Variants in CHST9 observed in about 807,000 individuals in gnomAD.
The protein encoded by CHST9 is carbohydrate sulfotransferase 9.
Under a neutral mutation model 44.4 loss-of-function variants are expected in CHST9, and 41 were observed. That is an observed-to-expected ratio of 0.92 (90% CI 0.72 to 1.20). CHST9 has a LOEUF of 1.20. Ranked by LOEUF, CHST9 falls within the 50% of genes most tolerant of loss-of-function variation. The pLI, the probability that CHST9 is intolerant of heterozygous loss-of-function variation, is 0.00. For missense variants in CHST9, 504 were observed against 516.5 expected, an observed-to-expected ratio of 0.98 and a Z score of 0.23; for synonymous variants, 171 against 178.4, an observed-to-expected ratio of 0.96 and a Z score of 0.33.
intron 5 of CHST9, among the ~76,000 whole-genome samples, chr18:26,922,668 T>G (rs778517361): frequency 1.8e-4 from 28 of 152,058 alleles, no homozygotes; most frequent in Non-Finnish European, 4.4e-5. Flanking sequence ...TGGAATCTTG[T>G]TCTGTTGCCC....
chr18:26,979,189 C>T (rs2056662066), intron 4 of CHST9, among the ~76,000 whole-genome samples: 2 of 152,000 alleles, frequency 1.3e-5, no homozygotes, highest in South Asian at 4.1e-4. Flanking sequence ...CACTTTGTGC[C>T]TTTTATCTTC....
chr18:26,933,292 A>C (rs566188743), intron 5 of CHST9, among the ~76,000 whole-genome samples: 3 of 152,216 alleles, frequency 2.0e-5, no homozygotes, highest in Non-Finnish European at 4.4e-5. Flanking sequence ...AATCACTTGA[A>C]TAGGATACCC....
At position 27,103,618 on chromosome 18, in the gene CHST9, G is replaced by A. The variant is rs115802612; in HGVS notation, c.121+39071C>T. Among the ~76,000 whole-genome samples, 445 of 152,290 alleles carry A rather than the reference G, an allele frequency of 2.9e-3. 1 individual carries two copies. Among genetic ancestry groups the A allele is most frequent in the African/African-American group, 0.01 (422 of 41,554 alleles). Reference sequence around the variant, plus strand: ...TTTTAAGGGGAGTTTACCAAAACCAGGTTATCCTCTGATATCATTTACAAT... The same window carrying A: ...TTTTAAGGGGAGTTTACCAAAACCAAGTTATCCTCTGATATCATTTACAAT... On this transcript the variant is annotated intron_variant, in intron 2 of 5. Coordinates refer to ENST00000618847, the MANE Select transcript of CHST9 (RefSeq NM_031422.6).
At chr18:27,038,418 C>A (rs6508466) in intron 3 of CHST9, among the ~76,000 whole-genome samples, 4,870 of 152,024 alleles carry the variant, frequency 0.032, 291 homozygotes, top group African/African-American at 0.11. Context: ...TGGTGGCATG[C>A]GCCTGTAATC....
rs552778520 is a variant in CHST9 at position 26,981,417 on chromosome 18, T to C, written c.203-37051A>G. ...CTAGGATCCATCAATGTGTGAATTC[T>C]TGACACTTAGCTGCAGCAAGTATTT... On this transcript the variant is annotated intron_variant, in intron 4 of 5. Transcript: ENST00000618847. Among the ~76,000 whole-genome samples, 4 of 152,358 alleles carry C rather than the reference T, an allele frequency of 2.6e-5. No individual in the cohort carries two copies. The South Asian group carries it at 8.3e-4, about 32-fold the overall frequency.
chr18:26,933,365 A>G (rs1297294539), intron 5 of CHST9, among the ~76,000 whole-genome samples: 1 of 152,192 alleles, frequency 6.6e-6, no homozygotes, highest in Admixed American at 6.5e-5. Context: ...ATGCCCACCC[A>G]ATGGGGTTCT....
At chr18:27,083,502 A>T (rs1357804470) in intron 2 of CHST9, among the ~76,000 whole-genome samples, 1 of 152,182 alleles carries the variant, frequency 6.6e-6, no homozygotes, top group Non-Finnish European at 1.5e-5. Context: ...TGGTATAAAA[A>T]TAGGCCTCAT....
At chr18:27,164,814 C>G (rs1038575405) in intron 1 of CHST9, among the ~76,000 whole-genome samples, 17 of 152,136 alleles carry the variant, frequency 1.1e-4, no homozygotes, top group African/African-American at 4.1e-4. Flanking sequence ...GGCAATGGAG[C>G]AAGAATGCCT....
At chr18:27,153,961 A>G (rs1007973204) in intron 1 of CHST9, among the ~76,000 whole-genome samples, 2 of 152,146 alleles carry the variant, frequency 1.3e-5, no homozygotes, top group African/African-American at 2.4e-5. Flanking sequence ...CCTTGATGGA[A>G]GCCAGTCTGA....
intron 2 of CHST9, among the ~76,000 whole-genome samples, chr18:27,074,026 C>T (rs1033981844): frequency 3.3e-5 from 5 of 152,118 alleles, no homozygotes; most frequent in African/African-American, 1.2e-4. Flanking sequence ...CACAGAACAA[C>T]ATGTCTTACC....
intron 4 of CHST9, among the ~76,000 whole-genome samples, chr18:27,000,622 G>GTCTATCTACCTA (rs1555675551): frequency 0.038 from 5,600 of 147,576 alleles, 212 homozygotes; most frequent in African/African-American, 0.097. Context: ...TATTTGTTTT[G>GTCTATCTACCTA]TCTATCTATC....
intron 4 of CHST9, among the ~76,000 whole-genome samples, chr18:26,960,272 A>G (rs928971723): frequency 1.3e-5 from 2 of 152,182 alleles, no homozygotes; most frequent in Non-Finnish European, 2.9e-5. Context: ...TGAACTTTGG[A>G]AAATGGTTGT....
intron 2 of CHST9, among the ~76,000 whole-genome samples, chr18:27,111,239 C>T (rs747779405): frequency 2.0e-5 from 3 of 152,226 alleles, no homozygotes; most frequent in Non-Finnish European, 2.9e-5. Flanking sequence ...TCAGAAACCA[C>T]CCTATGTCCT....
chr18:27,164,399 A>G (rs942733707), intron 1 of CHST9, among the ~76,000 whole-genome samples: 11 of 151,798 alleles, frequency 7.2e-5, no homozygotes, highest in African/African-American at 2.7e-4. Context: ...AGTTAAGGTG[A>G]TTCTTAGAAA....
rs8089089 is a variant in CHST9 at position 27,059,503 on chromosome 18, G to A, written c.122-11000C>T. On this transcript the variant is annotated intron_variant, in intron 2 of 5. Coordinates refer to ENST00000618847, the MANE Select transcript of CHST9 (RefSeq NM_031422.6). ...TAATTTTCTGTATGAAGGCAACAAC[G>A]GGAAGCATTTCATTAGGAAAGGTAA... Among the ~76,000 whole-genome samples the A allele has an allele frequency of 6.2e-3, 947 of 152,238 alleles. 16 individuals are homozygous for A. The highest frequency in any genetic ancestry group is 0.022 in the African/African-American group (900 of 41,526).
At chr18:27,081,877 T>C (rs547348296) in intron 2 of CHST9, among the ~76,000 whole-genome samples, 2 of 152,318 alleles carry the variant, frequency 1.3e-5, no homozygotes, top group South Asian at 4.1e-4. Context: ...TAAAACTTCC[T>C]GCTACATGAT....
intron 2 of CHST9, among the ~76,000 whole-genome samples, chr18:27,053,212 G>T (rs10468889): frequency 1.0e-4 from 5 of 49,814 alleles, no homozygotes; most frequent in Non-Finnish European, 1.6e-4. Flanking sequence ...AAGAAGAGGA[G>T]GAAGAGGAAG....
chr18:27,051,906 AT>A (rs1214981193), intron 2 of CHST9, among the ~76,000 whole-genome samples: 2 of 152,136 alleles, frequency 1.3e-5, no homozygotes, highest in African/African-American at 4.8e-5. Context: ...TGATTTTCTT[AT>A]TTTTAAAGTG....
chr18:27,045,481 A>G (rs1043392775), intron 3 of CHST9, among the ~76,000 whole-genome samples: 1 of 152,050 alleles, frequency 6.6e-6, no homozygotes, highest in Non-Finnish European at 1.5e-5. Context: ...TCTATGAAAT[A>G]GCTGATCTTT....
Sources: allele counts gnomAD v4.1 joint callset (sites outside exome capture counted in the v4.1 genomes callset), GRCh38; gene constraint gnomAD v4.1.1; transcripts MANE v1.5; gene names NCBI Gene and HGNC (gene_info 2026-07-23, HGNC 2026-07-21).